The following SLIT1 variants were observed in gnomAD, a reference collection of about 807,000 sequenced individuals.
The protein encoded by SLIT1 is slit guidance ligand 1.
SLIT1 carries 66 observed loss-of-function variants against 186.1 expected under a neutral mutation model. The observed-to-expected ratio is 0.35, with a 90% CI of 0.29 to 0.44. The LOEUF (loss-of-function observed/expected upper bound fraction) is 0.44. SLIT1 is among the 20% of genes least tolerant of loss of function. The probability of loss-of-function intolerance (pLI) is 1.00; values close to 1 mark genes in which losing one functional copy is unlikely to be tolerated. For synonymous variants in SLIT1, 761 were observed against 833.8 expected (o/e 0.91, Z 1.50); for missense variants, 1,638 against 2,037.4 (o/e 0.80, Z 3.77).
At chr10:97,175,305 G>A (rs1850241169) in intron 1 of SLIT1, among the ~76,000 whole-genome samples, 1 of 152,214 alleles carries the variant, frequency 6.6e-6, no homozygotes, top group Admixed American at 6.5e-5. Flanking sequence ...TGGTGGACAT[G>A]TGGCTTGCTT....
rs2134591813 is a variant in SLIT1, at chr10:97,011,023, C to G, written c.3311G>C (p.Ser1104Thr). Residue 1104 changes from serine (S) to threonine (T), a missense_variant, in exon 31 of 37, where the codon AGC (serine) becomes ACC (threonine). Transcript: ENST00000266058. Reference sequence around the variant, plus strand: ...GCCCTCAGCACAGAGGCAGGAGTAGCTGTTGACTTCATCCATACACTGGGC... The same window carrying G: ...GCCCTCAGCACAGAGGCAGGAGTAGGTGTTGACTTCATCCATACACTGGGC... ...NGAQCMDEVN[S>T]YSCLCAEGYS... 2 of 1,614,102 alleles carry G rather than the reference C, an allele frequency of 1.2e-6. No homozygotes were observed. Among genetic ancestry groups the G allele is most frequent in the East Asian group, 4.5e-5 (2 of 44,888 alleles).
chr10:97,104,553 C>A (rs1477638893), intron 4 of SLIT1, among the ~76,000 whole-genome samples: 3 of 152,060 alleles, frequency 2.0e-5, no homozygotes, highest in Admixed American at 2.0e-4. Flanking sequence ...CCACTCAGAA[C>A]CCTTCAATAA....
rs543977628 is a variant in SLIT1 at position 97,021,715 on chromosome 10, G to A, written c.2583-302C>T. Among the ~76,000 whole-genome samples, 1 of 151,870 alleles carries A rather than the reference G, an allele frequency of 6.6e-6. No homozygotes were observed. The highest frequency in any genetic ancestry group is 2.4e-5 in the African/African-American group (1 of 41,332). ...GTATCTGGGATTACAGACACACACCGCCATGCACAGCTAATTTTTGTATTT... is the reference window on the plus strand; with the variant it reads ...GTATCTGGGATTACAGACACACACCACCATGCACAGCTAATTTTTGTATTT... On this transcript the variant is annotated intron_variant, in intron 25 of 36. Coordinates refer to ENST00000266058, the MANE Select transcript of SLIT1 (RefSeq NM_003061.3). This position sits in a 1 kb window ranked among gnomAD's most constrained non-coding sequence, Gnocchi z 4.5.
At chr10:97,117,322 C>T (rs1234205959) in intron 4 of SLIT1, among the ~76,000 whole-genome samples, 1 of 152,020 alleles carries the variant, frequency 6.6e-6, no homozygotes, top group Middle Eastern at 3.2e-3. Context: ...CTAAGAACAA[C>T]GTCTATTAAA....
At chr10:97,064,961 A>G in intron 5 of SLIT1, 85 bp from the exon 6 acceptor site, 1 of 1,033,914 alleles carries the variant, frequency 9.7e-7, no homozygotes, top group South Asian at 1.6e-5. Flanking sequence ...TGCTCCATTC[A>G]TTCAAAAGAG....
intron 4 of SLIT1, among the ~76,000 whole-genome samples, chr10:97,140,454 A>G (rs1203035287): frequency 6.6e-6 from 1 of 152,168 alleles, no homozygotes; most frequent in Non-Finnish European, 1.5e-5. Flanking sequence ...AACCCGCCAA[A>G]GGGAATTCTC....
intron 25 of SLIT1, among the ~76,000 whole-genome samples, chr10:97,024,550 G>A (rs1426384319): frequency 2.0e-5 from 3 of 152,086 alleles, no homozygotes; most frequent in African/African-American, 4.8e-5. Flanking sequence ...CCTGGCTAAC[G>A]GGATGGGTGA....
chr10:97,084,924 CTTTTTTT>C (rs34001660), intron 4 of SLIT1, among the ~76,000 whole-genome samples: 2 of 126,164 alleles, frequency 1.6e-5, no homozygotes, highest in East Asian at 2.3e-4. Flanking sequence ...CTTTTCTTTC[CTTTTTTT>C]TTTTTTTTTT....
intron 14 of SLIT1, 132 bp downstream of exon 14, chr10:97,048,823 G>T (rs1848759681): frequency 1.2e-6 from 1 of 847,862 alleles, no homozygotes; most frequent in Non-Finnish European, 1.9e-6. Flanking sequence ...AGGTGGACAG[G>T]TAGGCAGGCA....
chr10:97,029,450 A>C (rs963885125), intron 25 of SLIT1, among the ~76,000 whole-genome samples: 2 of 152,116 alleles, frequency 1.3e-5, no homozygotes, highest in African/African-American at 4.8e-5. Context: ...AGACAGTTGC[A>C]CCTGAGGTGC....
chr10:97,097,509 G>T (rs1431600879), intron 4 of SLIT1, among the ~76,000 whole-genome samples: 8 of 152,174 alleles, frequency 5.3e-5, no homozygotes, highest in Admixed American at 4.6e-4. Flanking sequence ...TGCTTCTGTG[G>T]GAGGAAAAAC....
intron 22 of SLIT1, among the ~76,000 whole-genome samples, chr10:97,036,536 T>C (rs1367612917): frequency 6.6e-6 from 1 of 152,252 alleles, no homozygotes; most frequent in Non-Finnish European, 1.5e-5. Flanking sequence ...TCACCACACC[T>C]AGCTTAGTTT....
At chr10:97,083,916 G>A (rs1849130610) in intron 4 of SLIT1, among the ~76,000 whole-genome samples, 1 of 152,150 alleles carries the variant, frequency 6.6e-6, no homozygotes, top group African/African-American at 2.4e-5. Context: ...GGGGATCCAA[G>A]GCCATCAGCC....
chr10:97,113,180 T>C (rs1045462070), intron 4 of SLIT1, among the ~76,000 whole-genome samples: 1 of 152,220 alleles, frequency 6.6e-6, no homozygotes, highest in Non-Finnish European at 1.5e-5. Flanking sequence ...ATATACAGCC[T>C]CTTGCAACGT....
At chr10:97,075,856 G>C (rs1465154445) in intron 4 of SLIT1, among the ~76,000 whole-genome samples, 1 of 152,208 alleles carries the variant, frequency 6.6e-6, no homozygotes, top group Non-Finnish European at 1.5e-5. Context: ...AATGTCCCCA[G>C]CTGGAGCCAA....
In SLIT1 at chr10:97,156,249, A is replaced by T. The variant is rs548137086; in HGVS notation, c.413+1569T>A. 2.6e-4 allele frequency among the ~76,000 whole-genome samples: 39 copies of T among 152,284 alleles called. No individual in the cohort carries two copies. In the South Asian group the frequency reaches 7.9e-3, roughly 31 times the overall value. ...GCAACAGGAAGTGACCAGAAAGACC[A>T]TTCCAACAGACTGAAAATTAGAGTT... is the stretch of plus-strand genomic sequence containing the variant. On this transcript the variant is annotated intron_variant, in intron 4 of 36. Transcript: ENST00000266058.
rs1015291055 is a variant in SLIT1, at chr10:97,184,691, T to C, written c.197+787A>G. Among the ~76,000 whole-genome samples the C allele has an allele frequency of 3.3e-5, 5 of 152,164 alleles. No individual in the cohort carries two copies. The highest frequency in any genetic ancestry group is 7.2e-5 in the African/African-American group (3 of 41,434). The stretch of plus-strand genomic sequence containing the variant: ...ACAGAACAGGGGAAGAGAAATGCTA[T>C]TTTTTTATTACTTGTCATGGTCAAT... On this transcript the variant is annotated intron_variant, in intron 1 of 36. Transcript: ENST00000266058. The surrounding 1 kb of genome is among the most constrained non-coding windows in gnomAD (Gnocchi z 4.4).
intron 4 of SLIT1, among the ~76,000 whole-genome samples, chr10:97,135,209 C>G (rs540245647): frequency 3.3e-5 from 5 of 152,280 alleles, no homozygotes; most frequent in African/African-American, 1.2e-4. Context: ...GGCTGGGGAG[C>G]CAGTGGTGCA....
intron 4 of SLIT1, among the ~76,000 whole-genome samples, chr10:97,069,601 C>T (rs1056227583): frequency 3.3e-5 from 5 of 152,066 alleles, no homozygotes; most frequent in South Asian, 2.1e-4. Flanking sequence ...GATCTCTGAC[C>T]GGATCTTAAA....
Sources: allele counts gnomAD v4.1 joint callset (sites outside exome capture counted in the v4.1 genomes callset), GRCh38; gene constraint gnomAD v4.1.1; non-coding constraint Gnocchi (gnomAD v3.1); transcripts MANE v1.5; gene names NCBI Gene and HGNC (gene_info 2026-07-23, HGNC 2026-07-21).